The following TMEM132B variants were observed in gnomAD, a reference collection of about 807,000 sequenced individuals.
TMEM132B encodes the protein transmembrane protein 132B.
TMEM132B carries 18 observed loss-of-function variants against 90.8 expected under a neutral mutation model. The observed-to-expected ratio is 0.20, with a 90% CI of 0.14 to 0.29. The LOEUF is 0.29. Among genes scored for constraint, TMEM132B ranks in the 10% least tolerant of loss-of-function variants. The pLI is 1.00. For synonymous variants in TMEM132B, 504 were observed against 523.3 expected (o/e 0.96, Z 0.50); for missense variants, 1,096 against 1,326.8 (o/e 0.83, Z 2.70).
chr12:125,301,208 T>C (rs1488528824), intron 1 of TMEM132B: 2 of 152,188 alleles, frequency 1.3e-5, no homozygotes, highest in Non-Finnish European at 2.9e-5. Flanking sequence ...TATCTCAGAA[T>C]CCTCGCACTG....
chr12:125,206,952 G>C (rs1317990099), intron 1 of TMEM132B, among the ~76,000 whole-genome samples: 1 of 152,198 alleles, frequency 6.6e-6, no homozygotes, highest in African/African-American at 2.4e-5. Context: ...AGAGGCTCCT[G>C]GGGGAGGTGT....
At chr12:125,299,493 C>T (rs1187392054) in intron 1 of TMEM132B, among the ~76,000 whole-genome samples, 4 of 152,144 alleles carry the variant, frequency 2.6e-5, no homozygotes, top group South Asian at 2.1e-4. Flanking sequence ...CCTTCCAGAC[C>T]GACTCTGGGC....
At chr12:125,530,260 A>G (rs1310208027) in intron 4 of TMEM132B, among the ~76,000 whole-genome samples, 2 of 148,826 alleles carry the variant, frequency 1.3e-5, no homozygotes, top group Non-Finnish European at 3.0e-5. Flanking sequence ...CCATTTCCCT[A>G]TTGACGAATA....
rs983937374 is a variant in TMEM132B at position 125,460,162 on chromosome 12, A to G, written c.1106+44485A>G. On this transcript the variant is annotated intron_variant, in intron 3 of 8. Coordinates refer to ENST00000682704, the MANE Select transcript of TMEM132B (RefSeq NM_001366854.1). This position sits in a 1 kb window ranked among gnomAD's most constrained non-coding sequence, Gnocchi z 4.4. ...AACATCTCATGTACTCCATAAACAC[A>G]TATACCCACTATGTACCCACAAAAG... Among the ~76,000 whole-genome samples, 9 of 152,214 alleles carry G rather than the reference A, an allele frequency of 5.9e-5. No homozygotes were observed. Among genetic ancestry groups the G allele is most frequent in the Non-Finnish European group, 1.0e-4 (7 of 68,034 alleles).
intron 1 of TMEM132B, among the ~76,000 whole-genome samples, chr12:125,243,478 G>T (rs1874136530): frequency 6.6e-6 from 1 of 152,068 alleles, no homozygotes; most frequent in Non-Finnish European, 1.5e-5. Context: ...GGCTAATTTT[G>T]CATTTTTAGT....
intron 3 of TMEM132B, among the ~76,000 whole-genome samples, chr12:125,437,730 A>G (rs921013632): frequency 6.6e-6 from 1 of 152,226 alleles, no homozygotes; most frequent in Non-Finnish European, 1.5e-5. Context: ...CAAGGGCCAC[A>G]TGGTGTGTGA....
At chr12:125,188,536 A>ACCCCCCCCCCCCCC (rs1247722118) in intron 1 of TMEM132B, among the ~76,000 whole-genome samples, 2 of 60,604 alleles carry the variant, frequency 3.3e-5, no homozygotes. Context: ...TCCCCCTACC[A>ACCCCCCCCCCCCCC]CCCCCCCACC....
At chr12:125,621,399 G>T (rs539328552) in intron 5 of TMEM132B, among the ~76,000 whole-genome samples, 42 of 152,242 alleles carry the variant, frequency 2.8e-4, no homozygotes, top group Non-Finnish European at 5.3e-4. Context: ...GTAGAGGGAA[G>T]GGGGAGTTTG....
chr12:125,202,087 A>G (rs938969146), intron 1 of TMEM132B, among the ~76,000 whole-genome samples: 2 of 152,166 alleles, frequency 1.3e-5, no homozygotes, highest in Non-Finnish European at 2.9e-5. Context: ...TGACTTGCAC[A>G]CAACCAATCA....
intron 1 of TMEM132B, among the ~76,000 whole-genome samples, chr12:125,328,515 G>A: frequency 6.6e-6 from 1 of 152,162 alleles, no homozygotes. Context: ...AGGCTCTAGG[G>A]GAGGGAGGAT....
chr12:125,485,715 G>A (rs923010440), intron 3 of TMEM132B, among the ~76,000 whole-genome samples: 12 of 152,072 alleles, frequency 7.9e-5, no homozygotes, highest in Non-Finnish European at 1.0e-4. Context: ...TATATTCTCC[G>A]GAAGCTTTGG....
intron 3 of TMEM132B, among the ~76,000 whole-genome samples, chr12:125,451,301 G>A (rs1222182467): frequency 6.6e-6 from 1 of 152,118 alleles, no homozygotes; most frequent in Non-Finnish European, 1.5e-5. Flanking sequence ...GTATTTAGGG[G>A]TAAGTGGCCA....
At chr12:125,403,359 C>T (rs1331590236) in intron 2 of TMEM132B, among the ~76,000 whole-genome samples, 2 of 152,176 alleles carry the variant, frequency 1.3e-5, no homozygotes, top group South Asian at 2.1e-4. Flanking sequence ...CCTGTCAAAG[C>T]GTTGCCCAAA....
At chr12:125,447,282 G>T (rs1303843856) in intron 3 of TMEM132B, among the ~76,000 whole-genome samples, 4 of 148,998 alleles carry the variant, frequency 2.7e-5, no homozygotes, top group Non-Finnish European at 4.5e-5. Flanking sequence ...ATTTATTTCT[G>T]TTTTTTTTTG....
At chr12:125,571,282 T>G (rs771385771) in intron 4 of TMEM132B, among the ~76,000 whole-genome samples, 40 of 152,146 alleles carry the variant, frequency 2.6e-4, no homozygotes, top group Admixed American at 1.6e-3. Context: ...GTTCCCTCAT[T>G]TGTAAAATGA....
chr12:125,558,414 A>C (rs946284350), intron 4 of TMEM132B, among the ~76,000 whole-genome samples: 10 of 152,298 alleles, frequency 6.6e-5, no homozygotes, highest in South Asian at 4.2e-4. Context: ...TGATTTGGGG[A>C]GAAACATGGG....
intron 5 of TMEM132B, among the ~76,000 whole-genome samples, chr12:125,593,952 A>G (rs75551920): frequency 0.041 from 6,278 of 152,258 alleles, 193 homozygotes; most frequent in African/African-American, 0.074. Flanking sequence ...CTGCAATTTG[A>G]TTAGTTTTGA....
intron 1 of TMEM132B, among the ~76,000 whole-genome samples, chr12:125,293,992 C>T (rs1875606091): frequency 6.6e-6 from 1 of 152,216 alleles, no homozygotes; most frequent in Non-Finnish European, 1.5e-5. Context: ...AAGCCCAAGC[C>T]ACCCCGTTTG....
rs1332875028 is a variant in TMEM132B at position 125,280,540 on chromosome 12, C to T, written c.68-68912C>T. ...AGTGTCCATCGCACCTGGCCATGGGCTCTGCTCCCTGCCTCCCTCCCCTGG... is the reference window on the plus strand; with the variant it reads ...AGTGTCCATCGCACCTGGCCATGGGTTCTGCTCCCTGCCTCCCTCCCCTGG... On this transcript the variant is annotated intron_variant, in intron 1 of 8. Coordinates refer to ENST00000682704, the MANE Select transcript of TMEM132B (RefSeq NM_001366854.1). 2.6e-5 allele frequency among the ~76,000 whole-genome samples: 4 copies of T among 152,356 alleles called. No individual in the cohort carries two copies. The East Asian group carries it at 7.7e-4, about 29-fold the overall frequency.
Sources: allele counts gnomAD v4.1 joint callset (sites outside exome capture counted in the v4.1 genomes callset), GRCh38; gene constraint gnomAD v4.1.1; non-coding constraint Gnocchi (gnomAD v3.1); transcripts MANE v1.5; gene names NCBI Gene and HGNC (gene_info 2026-07-23, HGNC 2026-07-21).